The following KCNIP4 variants were observed in gnomAD, a reference collection of about 807,000 sequenced individuals.
The protein encoded by KCNIP4 is Kv channel-interacting protein 4.
KCNIP4 carries 12 observed loss-of-function variants against 34.0 expected under a neutral mutation model. The observed-to-expected ratio is 0.35, with a 90% CI of 0.23 to 0.57. The LOEUF (loss-of-function observed/expected upper bound fraction) is 0.57. KCNIP4 is among the 20% of genes least tolerant of loss of function. The pLI is 0.83. For synonymous variants in KCNIP4, 124 were observed against 102.2 expected (o/e 1.21, Z -1.29); for missense variants, 238 against 311.7 (o/e 0.76, Z 1.78).
chr4:21,097,390 T>C (rs1397942246), intron 1 of KCNIP4, among the ~76,000 whole-genome samples: 4 of 152,226 alleles, frequency 2.6e-5, no homozygotes, highest in Non-Finnish European at 2.9e-5. Context: ...TTCATTTTAT[T>C]GTGCCTTGCA....
intron 1 of KCNIP4, among the ~76,000 whole-genome samples, chr4:21,507,786 T>A (rs926150361): frequency 6.6e-5 from 10 of 152,170 alleles, no homozygotes; most frequent in African/African-American, 2.4e-4. Context: ...TATCATCTTA[T>A]AATAAGAAAC....
At chr4:21,473,810 T>C (rs1348284022) in intron 1 of KCNIP4, among the ~76,000 whole-genome samples, 1 of 151,358 alleles carries the variant, frequency 6.6e-6, no homozygotes, top group Non-Finnish European at 1.5e-5. Context: ...GACTCCTGGG[T>C]TCAAGCGATT....
intron 1 of KCNIP4, among the ~76,000 whole-genome samples, chr4:21,371,480 A>G (rs1720446545): frequency 6.8e-6 from 1 of 147,068 alleles, no homozygotes; most frequent in South Asian, 2.1e-4. Flanking sequence ...ACACTCTATC[A>G]CATACTATCT....
intron 1 of KCNIP4, among the ~76,000 whole-genome samples, chr4:21,148,295 A>C (rs1400846037): frequency 1.3e-5 from 2 of 152,208 alleles, no homozygotes; most frequent in Non-Finnish European, 2.9e-5. Context: ...TCAGAGAACA[A>C]AAAACAGAGG....
intron 1 of KCNIP4, among the ~76,000 whole-genome samples, chr4:21,659,332 C>T (rs1325581252): frequency 6.6e-6 from 1 of 152,100 alleles, no homozygotes. Context: ...TAAAATCTTA[C>T]TAAGAATCTC....
chr4:21,655,797 A>C (rs1747874806), intron 1 of KCNIP4, among the ~76,000 whole-genome samples: 1 of 152,202 alleles, frequency 6.6e-6, no homozygotes, highest in Non-Finnish European at 1.5e-5. Flanking sequence ...CATTAAGTGC[A>C]TTTAACAGAT....
chr4:21,319,171 A>C (rs1714114132), intron 1 of KCNIP4, among the ~76,000 whole-genome samples: 1 of 152,202 alleles, frequency 6.6e-6, no homozygotes, highest in Non-Finnish European at 1.5e-5. Flanking sequence ...GATAAATCTA[A>C]AGGGAGCCAA....
chr4:21,751,357 A>C (rs2109145075), intron 1 of KCNIP4, among the ~76,000 whole-genome samples: 1 of 152,278 alleles, frequency 6.6e-6, no homozygotes, highest in East Asian at 1.9e-4. Flanking sequence ...AAATTGCATT[A>C]AAGGATTATT....
chr4:21,775,217 C>G (rs1242518832), intron 1 of KCNIP4, among the ~76,000 whole-genome samples: 1 of 152,144 alleles, frequency 6.6e-6, no homozygotes, highest in Non-Finnish European at 1.5e-5. Flanking sequence ...TCAGGTCCCT[C>G]TTCCGTAGGG....
chr4:21,420,938 A>G (rs900275708), intron 1 of KCNIP4, among the ~76,000 whole-genome samples: 1 of 152,188 alleles, frequency 6.6e-6, no homozygotes, highest in Admixed American at 6.5e-5. Flanking sequence ...AAGTAGTTCC[A>G]TGGCAAGATA....
At chr4:20,739,832 GC>G (rs1173347160) in intron 5 of KCNIP4, among the ~76,000 whole-genome samples, 1 of 152,112 alleles carries the variant, frequency 6.6e-6, no homozygotes, top group East Asian at 1.9e-4. Context: ...TCACAAAGAA[GC>G]TAAAAACCTT....
chr4:21,844,875 T>A (rs1246118339), intron 1 of KCNIP4: 1 of 151,960 alleles, frequency 6.6e-6, no homozygotes, highest in Non-Finnish European at 1.5e-5. Flanking sequence ...AAGAGAATTA[T>A]TTCTGTAATT....
At chr4:21,297,050 G>A (rs148874155) in intron 1 of KCNIP4, among the ~76,000 whole-genome samples, 1 of 151,570 alleles carries the variant, frequency 6.6e-6, no homozygotes, top group African/African-American at 2.4e-5. Context: ...GTGTGTTTGT[G>A]TGTGTATAAA....
intron 1 of KCNIP4, among the ~76,000 whole-genome samples, chr4:21,299,287 A>G (rs1443641561): frequency 6.6e-6 from 1 of 152,074 alleles, no homozygotes; most frequent in Non-Finnish European, 1.5e-5. Context: ...GTCTAAAATC[A>G]CATGACTAAT....
At chr4:20,761,106 C>T (rs568396023) in intron 3 of KCNIP4, among the ~76,000 whole-genome samples, 5 of 152,266 alleles carry the variant, frequency 3.3e-5, no homozygotes, top group Non-Finnish European at 5.9e-5. Context: ...AGAACAAAGA[C>T]GGACCTTCCC....
intron 1 of KCNIP4, among the ~76,000 whole-genome samples, chr4:21,288,566 A>G (rs1763254401): frequency 6.6e-6 from 1 of 152,152 alleles, no homozygotes; most frequent in African/African-American, 2.4e-5. Context: ...ATCCTCAAGA[A>G]CTCTATAAGA....
At chr4:21,236,156 T>A (rs1430470314) in intron 1 of KCNIP4, among the ~76,000 whole-genome samples, 1 of 151,990 alleles carries the variant, frequency 6.6e-6, no homozygotes, top group Non-Finnish European at 1.5e-5. Context: ...ATAAAAATAA[T>A]AAAAAATGGC....
intron 1 of KCNIP4, among the ~76,000 whole-genome samples, chr4:20,943,883 T>C (rs1731911472): frequency 6.6e-6 from 1 of 152,184 alleles, no homozygotes; most frequent in Non-Finnish European, 1.5e-5. Context: ...TAGAATAAAA[T>C]GTGCAAGGGA....
chr4:21,061,799 G>A (rs184586070), intron 1 of KCNIP4, among the ~76,000 whole-genome samples: 3 of 152,162 alleles, frequency 2.0e-5, no homozygotes, highest in South Asian at 2.1e-4. Context: ...TGGAAATGGG[G>A]CTTTTAAAAA....
Sources: gnomAD v4.1 joint callset for allele counts (sites outside exome capture counted in the v4.1 genomes callset) on GRCh38, gnomAD v4.1.1 for gene constraint, MANE v1.5 for transcripts, NCBI Gene and HGNC (gene_info 2026-07-23, HGNC 2026-07-21) for gene names.